The following TSPAN7 variants were observed in gnomAD, a reference collection of about 807,000 sequenced individuals.
The protein encoded by TSPAN7 is tetraspanin-7.
A neutral mutation model predicts 17.6 loss-of-function variants in TSPAN7; 1 was observed. The ratio of observed to expected loss-of-function variants is 0.06; its 90% confidence interval spans 0.02 to 0.27. The LOEUF is 0.27. TSPAN7 is among the 10% of genes least tolerant of loss of function. The pLI is 1.00. For missense variants in TSPAN7, 112 were observed against 201.7 expected, an observed-to-expected ratio of 0.56 and a Z score of 2.69; for synonymous variants, 78 against 79.0, an observed-to-expected ratio of 0.99 and a Z score of 0.07.
chrX:38,577,100 A>T (rs1465872498), intron 1 of TSPAN7, among the ~76,000 whole-genome samples: 1 of 111,762 alleles, frequency 8.9e-6, no homozygotes, highest in African/African-American at 3.3e-5. Flanking sequence ...TATTTGTGAG[A>T]GAGAACCCCA....
At chrX:38,654,843 AG>A (rs1194436943) in intron 1 of TSPAN7, among the ~76,000 whole-genome samples, 2 of 112,486 alleles carry the variant, frequency 1.8e-5, no homozygotes, top group Non-Finnish European at 3.8e-5. Context: ...CGAAAGATAA[AG>A]CAGGAGCCCC....
intron 1 of TSPAN7, among the ~76,000 whole-genome samples, chrX:38,567,515 A>T (rs967078251): frequency 6.2e-5 from 7 of 112,463 alleles, no homozygotes; most frequent in African/African-American, 2.3e-4. Context: ...GGGAGCTACA[A>T]TTCAAAATGA....
intron 1 of TSPAN7, among the ~76,000 whole-genome samples, chrX:38,610,513 C>T (rs1021674597): frequency 9.0e-6 from 1 of 111,543 alleles, no homozygotes; most frequent in African/African-American, 3.3e-5. Context: ...ACCTGGGGAG[C>T]TTTCCAAACT....
intron 1 of TSPAN7, among the ~76,000 whole-genome samples, chrX:38,659,033 CACA>C (rs1569313273): frequency 3.9e-4 from 36 of 91,950 alleles, no homozygotes; most frequent in African/African-American, 1.4e-3. Flanking sequence ...CACACACACA[CACA>C]CACCCACAGA....
chrX:38,679,516 G>C (rs777383576), intron 5 of TSPAN7, among the ~76,000 whole-genome samples: 1 of 111,513 alleles, frequency 9.0e-6, no homozygotes, highest in East Asian at 2.8e-4. Flanking sequence ...AAAATAGTGT[G>C]AGGCTGGGCA....
At chrX:38,640,490 C>A (rs921039804) in intron 1 of TSPAN7, among the ~76,000 whole-genome samples, 4 of 111,700 alleles carry the variant, frequency 3.6e-5, no homozygotes, top group African/African-American at 9.8e-5. Flanking sequence ...CCCAGGCCAA[C>A]TTTACCCCAA....
intron 6 of TSPAN7, among the ~76,000 whole-genome samples, chrX:38,686,082 T>G (rs1336761492): frequency 1.8e-5 from 2 of 112,486 alleles, no homozygotes; most frequent in Non-Finnish European, 3.8e-5. Flanking sequence ...TGGCAGAATA[T>G]TCTAAAGGTT....
At chrX:38,600,169 T>A (rs190490070) in intron 1 of TSPAN7, among the ~76,000 whole-genome samples, 5 of 111,711 alleles carry the variant, frequency 4.5e-5, no homozygotes, top group Non-Finnish European at 9.4e-5. Flanking sequence ...AATCAAGGGT[T>A]GCTTGGATTC....
intron 1 of TSPAN7, chrX:38,570,759 G>T (rs1347991519): frequency 8.9e-6 from 1 of 111,778 alleles, no homozygotes; most frequent in Non-Finnish European, 1.9e-5. Flanking sequence ...TTTTTGGAAT[G>T]CTGCTCTTAA....
chrX:38,582,357 A>T (rs769246157), intron 1 of TSPAN7, among the ~76,000 whole-genome samples: 2 of 112,179 alleles, frequency 1.8e-5, no homozygotes, highest in East Asian at 5.6e-4. Context: ...TTCTTAAGTT[A>T]TATTAGTTAA....
intron 1 of TSPAN7, among the ~76,000 whole-genome samples, chrX:38,640,316 G>A (rs1043357529): frequency 3.6e-5 from 4 of 111,418 alleles, no homozygotes; most frequent in Non-Finnish European, 5.6e-5. Flanking sequence ...TTCCTCACCC[G>A]CTTTCAAAAC....
At chrX:38,641,881 C>T (rs1228883389) in intron 1 of TSPAN7, among the ~76,000 whole-genome samples, 2 of 111,705 alleles carry the variant, frequency 1.8e-5, no homozygotes, top group East Asian at 5.6e-4. Flanking sequence ...TTGGAAAGTC[C>T]TCTTACCATT....
intron 1 of TSPAN7, among the ~76,000 whole-genome samples, chrX:38,611,963 A>G (rs1016183178): frequency 8.1e-5 from 9 of 111,076 alleles, no homozygotes; most frequent in Non-Finnish European, 1.7e-4. Context: ...TTTAGCATCC[A>G]GAGTTATGTA....
intron 1 of TSPAN7, among the ~76,000 whole-genome samples, chrX:38,649,463 C>T (rs1050823313): frequency 2.1e-4 from 24 of 112,530 alleles, no homozygotes; most frequent in Admixed American, 1.6e-3. Context: ...TTTGAAGTCA[C>T]TTGGCATGTA....
chrX:38,625,351 G>A (rs150282434), intron 1 of TSPAN7, among the ~76,000 whole-genome samples: 1,416 of 111,404 alleles, frequency 0.013, 25 homozygotes, highest in African/African-American at 0.043. Flanking sequence ...TTCTTCCTAG[G>A]CACACAGCTA....
At chrX:38,589,164 T>C (rs2069276396) in intron 1 of TSPAN7, among the ~76,000 whole-genome samples, 1 of 112,151 alleles carries the variant, frequency 8.9e-6, no homozygotes, top group African/African-American at 3.2e-5. Context: ...GGCCACAATT[T>C]GGTGAAAGAG....
chrX:38,652,170 T>A (rs1260485998), intron 1 of TSPAN7, among the ~76,000 whole-genome samples: 1 of 111,864 alleles, frequency 8.9e-6, no homozygotes, highest in Non-Finnish European at 1.9e-5. Flanking sequence ...ACTCCAGATC[T>A]GGGAAAATGG....
chrX:38,605,526 C>T (rs1331005167), intron 1 of TSPAN7, among the ~76,000 whole-genome samples: 2 of 107,724 alleles, frequency 1.9e-5, no homozygotes, highest in African/African-American at 6.8e-5. Context: ...CATCAAGCTA[C>T]CAATGACTTT....
intron 1 of TSPAN7, among the ~76,000 whole-genome samples, chrX:38,622,551 C>T (rs1453502440): frequency 2.7e-5 from 3 of 111,067 alleles, no homozygotes. Flanking sequence ...AGGGTGAGAC[C>T]CTGTATTTAA....
Sources: allele counts gnomAD v4.1 joint callset (sites outside exome capture counted in the v4.1 genomes callset), GRCh38; gene constraint gnomAD v4.1.1; transcripts MANE v1.5; gene names NCBI Gene and HGNC (gene_info 2026-07-23, HGNC 2026-07-21).